The following MYO9B variants were observed in gnomAD, a reference collection of about 807,000 sequenced individuals.
The protein encoded by MYO9B is myosin IXB.
MYO9B carries 71 observed loss-of-function variants against 229.5 expected under a neutral mutation model. The observed-to-expected ratio is 0.31, with a 90% CI of 0.26 to 0.38. The LOEUF (loss-of-function observed/expected upper bound fraction) is 0.38, where lower values mean the gene tolerates loss of function less well. Among genes scored for constraint, MYO9B ranks in the 10% least tolerant of loss-of-function variants. The probability of loss-of-function intolerance (pLI) is 1.00; values close to 1 mark genes in which losing one functional copy is unlikely to be tolerated. For synonymous variants in MYO9B, 1,185 were observed against 1,235.8 expected, an observed-to-expected ratio of 0.96 and a Z score of 0.86; for missense variants, 2,255 against 2,920.5, an observed-to-expected ratio of 0.77 and a Z score of 5.25.
chr19:17,122,939 T>G (rs977712583), intron 2 of MYO9B, among the ~76,000 whole-genome samples: 1 of 151,862 alleles, frequency 6.6e-6, no homozygotes, highest in African/African-American at 2.4e-5. Context: ...CTACAATAAT[T>G]AAAAAATTAA....
chr19:17,156,019 C>CA (rs34932047), intron 6 of MYO9B, among the ~76,000 whole-genome samples: 176 of 113,486 alleles, frequency 1.6e-3, no homozygotes, highest in Middle Eastern at 8.7e-3. Context: ...GACTCTGTCT[C>CA]AAAAAAAAAA....
intron 2 of MYO9B, among the ~76,000 whole-genome samples, chr19:17,136,252 G>A (rs2072268207): frequency 6.6e-6 from 1 of 152,192 alleles, no homozygotes; most frequent in African/African-American, 2.4e-5. Context: ...CGGGCCCCAG[G>A]CTGAAGCTGA....
At chr19:17,110,864 A>G (rs1568666945) in intron 2 of MYO9B, among the ~76,000 whole-genome samples, 1 of 150,816 alleles carries the variant, frequency 6.6e-6, no homozygotes, top group Non-Finnish European at 1.5e-5. Context: ...ACTGCCCCAG[A>G]CCCCCCTCTT....
intron 13 of MYO9B, among the ~76,000 whole-genome samples, chr19:17,173,373 C>T (rs541591465): frequency 8.8e-5 from 13 of 147,230 alleles, no homozygotes; most frequent in South Asian, 8.5e-4. Context: ...GACGCAATCT[C>T]GGCTCACTGC....
At chr19:17,133,910 G>A (rs948288688) in intron 2 of MYO9B, among the ~76,000 whole-genome samples, 1 of 152,044 alleles carries the variant, frequency 6.6e-6, no homozygotes, top group Non-Finnish European at 1.5e-5. Flanking sequence ...ATAGGCACCC[G>A]CCACCACGCC....
intron 9 of MYO9B, 66 bp from the exon 10 acceptor site, chr19:17,162,922 T>C: frequency 6.5e-7 from 1 of 1,548,984 alleles, no homozygotes; most frequent in Non-Finnish European, 8.7e-7. Flanking sequence ...AGCCAACCCC[T>C]CTCATGAAGG....
intron 23 of MYO9B, 59 bp from the exon 24 acceptor site, chr19:17,198,125 C>A (rs1242840118): frequency 6.2e-7 from 1 of 1,602,088 alleles, no homozygotes; most frequent in Non-Finnish European, 8.5e-7. Context: ...AGGGGCTTCC[C>A]CATCTAGCAC....
At chr19:17,112,272 G>A (rs906273435) in intron 2 of MYO9B, among the ~76,000 whole-genome samples, 2 of 152,164 alleles carry the variant, frequency 1.3e-5, no homozygotes, top group Admixed American at 6.5e-5. Context: ...TGGAGCCACC[G>A]AGGGACACCA....
intron 1 of MYO9B, among the ~76,000 whole-genome samples, chr19:17,090,681 G>T (rs996629026): frequency 2.6e-5 from 4 of 152,246 alleles, no homozygotes; most frequent in African/African-American, 9.6e-5. Context: ...TGTTCACATT[G>T]TCTGTGCGTG....
intron 2 of MYO9B, among the ~76,000 whole-genome samples, chr19:17,117,799 G>T (rs1266570556): frequency 6.6e-6 from 1 of 151,868 alleles, no homozygotes; most frequent in Non-Finnish European, 1.5e-5. Context: ...TTAGCCAAGC[G>T]TGGTGGCAGG....
intron 15 of MYO9B, 35 bp from the exon 16 acceptor site, chr19:17,183,794 T>C: frequency 6.5e-7 from 1 of 1,538,756 alleles, no homozygotes; most frequent in Non-Finnish European, 8.8e-7. Context: ...ACTGTGTTCC[T>C]TTTGTTCACA....
chr19:17,134,811 C>T (rs12981938), intron 2 of MYO9B, among the ~76,000 whole-genome samples: 30,867 of 151,818 alleles, frequency 0.2, 3,712 homozygotes, highest in African/African-American at 0.33. Flanking sequence ...TTGCTCAGGT[C>T]GGAGTGCAGT....
chr19:17,205,914 G>A lies in MYO9B; in HGVS notation c.5065-46G>A, dbSNP rs186545121. 144 of 1,506,970 alleles carry A rather than the reference G, an allele frequency of 9.6e-5. No homozygotes were observed. The East Asian group carries it at 3.3e-3, about 34-fold the overall frequency. 93.3% of individuals were successfully genotyped at this position (1,506,970 alleles called of 1,614,324 possible). On this transcript the variant is annotated intron_variant, in intron 31 of 39. Coordinates refer to ENST00000682292, the MANE Select transcript of MYO9B (RefSeq NM_004145.4). ...AGAGGCCCCCAGAGACAGCTGGAGAGGAAGACAGCCAGGCCCAGACCTGAC... is the reference window on the plus strand; with the variant it reads ...AGAGGCCCCCAGAGACAGCTGGAGAAGAAGACAGCCAGGCCCAGACCTGAC...
chr19:17,130,413 G>A (rs898130576), intron 2 of MYO9B, among the ~76,000 whole-genome samples: 16 of 152,140 alleles, frequency 1.1e-4, no homozygotes, highest in African/African-American at 3.6e-4. Context: ...TCAGGAGATC[G>A]TAGACCATCC....
intron 2 of MYO9B, among the ~76,000 whole-genome samples, chr19:17,113,636 G>C (rs904777476): frequency 3.3e-5 from 5 of 152,136 alleles, no homozygotes; most frequent in African/African-American, 1.2e-4. Flanking sequence ...GGTCCCTGAG[G>C]GGGGTGAGCT....
chr19:17,106,222 C>G (rs1363881226), intron 2 of MYO9B, among the ~76,000 whole-genome samples: 1 of 152,196 alleles, frequency 6.6e-6, no homozygotes, highest in Non-Finnish European at 1.5e-5. Flanking sequence ...TCTCGAACTC[C>G]TGGCTTCCAG....
At chr19:17,143,010 G>A (rs1478330010) in intron 2 of MYO9B, among the ~76,000 whole-genome samples, 2 of 152,188 alleles carry the variant, frequency 1.3e-5, no homozygotes, top group East Asian at 1.9e-4. Flanking sequence ...AGGCCAAGGC[G>A]GGCAGATCAC....
At chr19:17,142,611 C>G (rs935260881) in intron 2 of MYO9B, among the ~76,000 whole-genome samples, 1 of 151,912 alleles carries the variant, frequency 6.6e-6, no homozygotes, top group East Asian at 1.9e-4. Context: ...ACAAAGAGCC[C>G]GATAGGCAAT....
chr19:17,212,100 G>C lies in MYO9B; in HGVS notation c.6264G>C (p.Arg2088=). Residue 2088 remains arginine, a synonymous_variant, in exon 40 of 40, where the codon CGG becomes CGC. Coordinates refer to ENST00000682292, the MANE Select transcript of MYO9B (RefSeq NM_004145.4). The surrounding 1 kb of genome is among the most constrained non-coding windows in gnomAD (Gnocchi z 5.4). ...TGCCTCGCTGGGCACCGGGTGCCCG[G>C]GAGGCGGCTGCCCCAGTGCGGCGCC... is the stretch of plus-strand genomic sequence containing the variant. ...SHLPRWAPGA[R]EAAAPVRRRE... 6.3e-7 allele frequency: 1 copy of C among 1,589,620 alleles called. No homozygotes were observed. The highest frequency in any genetic ancestry group is 1.1e-5 in the South Asian group (1 of 88,654).
Sources: allele counts gnomAD v4.1 joint callset (sites outside exome capture counted in the v4.1 genomes callset), GRCh38; gene constraint gnomAD v4.1.1; non-coding constraint Gnocchi (gnomAD v3.1); transcripts MANE v1.5; gene names NCBI Gene and HGNC (gene_info 2026-07-23, HGNC 2026-07-21).